Variants in RBFOX1 observed in about 807,000 individuals in gnomAD.
RBFOX1 encodes RNA binding fox-1 homolog 1.
RBFOX1 carries 8 observed loss-of-function variants against 57.7 expected under a neutral mutation model. The observed-to-expected ratio is 0.14, with a 90% CI of 0.08 to 0.25. RBFOX1 has a LOEUF of 0.25. Ranked by LOEUF, RBFOX1 falls within the 10% of genes least tolerant of loss-of-function variation. The pLI, the probability that RBFOX1 is intolerant of heterozygous loss-of-function variation, is 1.00. For synonymous variants in RBFOX1, 326 were observed against 222.4 expected, an observed-to-expected ratio of 1.47 and a Z score of -4.15; for missense variants, 611 against 548.5, an observed-to-expected ratio of 1.11 and a Z score of -1.14.
chr16:5,703,590 G>A (rs1176066420), intron 3 of RBFOX1, among the ~76,000 whole-genome samples: 1 of 152,200 alleles, frequency 6.6e-6, no homozygotes, highest in Non-Finnish European at 1.5e-5. Flanking sequence ...TTAGTGCAGA[G>A]GTTAATGCAG....
At chr16:5,435,174 C>T (rs1379263496) in intron 1 of RBFOX1, among the ~76,000 whole-genome samples, 1 of 152,178 alleles carries the variant, frequency 6.6e-6, no homozygotes, top group Non-Finnish European at 1.5e-5. Flanking sequence ...CTGTGGTTCC[C>T]CCTGTTTACG....
chr16:5,551,084 C>T (rs951965456), intron 2 of RBFOX1, among the ~76,000 whole-genome samples: 1 of 152,170 alleles, frequency 6.6e-6, no homozygotes, highest in Non-Finnish European at 1.5e-5. Context: ...ATGGTTCTTA[C>T]TTGCTGGGAG....
intron 4 of RBFOX1, among the ~76,000 whole-genome samples, chr16:7,137,795 A>G (rs2072462244): frequency 6.6e-6 from 1 of 152,218 alleles, no homozygotes; most frequent in Non-Finnish European, 1.5e-5. Flanking sequence ...AGAAACTCCA[A>G]AAGGGGAAGG....
intron 3 of RBFOX1, among the ~76,000 whole-genome samples, chr16:6,957,742 T>C (rs976306763): frequency 1.2e-4 from 18 of 152,146 alleles, no homozygotes; most frequent in Non-Finnish European, 1.8e-4. Context: ...CTATTGAAGA[T>C]GGAGTTGCTC....
chr16:7,274,933 C>T (rs1276361060), intron 4 of RBFOX1, among the ~76,000 whole-genome samples: 1 of 152,092 alleles, frequency 6.6e-6, no homozygotes, highest in Non-Finnish European at 1.5e-5. Flanking sequence ...ACCTGCCTGC[C>T]TCGGCCTCCC....
intron 4 of RBFOX1, among the ~76,000 whole-genome samples, chr16:7,370,575 G>T (rs1328667879): frequency 6.6e-6 from 1 of 152,166 alleles, no homozygotes; most frequent in East Asian, 1.9e-4. Flanking sequence ...GATATTTTCA[G>T]ATGTGCTGCC....
intron 4 of RBFOX1, among the ~76,000 whole-genome samples, chr16:5,982,755 C>G (rs1184554754): frequency 6.6e-6 from 1 of 152,178 alleles, no homozygotes; most frequent in Non-Finnish European, 1.5e-5. Flanking sequence ...CTGTGTTTTC[C>G]TTACAGAACT....
intron 4 of RBFOX1, among the ~76,000 whole-genome samples, chr16:7,124,897 G>A (rs1420934672): frequency 1.3e-5 from 2 of 152,070 alleles, no homozygotes; most frequent in Non-Finnish European, 2.9e-5. Context: ...ACCAGCCAGT[G>A]ACAGCGTTAT....
intron 1 of RBFOX1, among the ~76,000 whole-genome samples, chr16:5,349,562 A>G (rs1452679286): frequency 2.0e-5 from 3 of 151,936 alleles, no homozygotes; most frequent in Non-Finnish European, 2.9e-5. Flanking sequence ...AATCCCAGCT[A>G]CTCAGGAGGC....
At chr16:7,156,661 T>G (rs2077215102) in intron 4 of RBFOX1, among the ~76,000 whole-genome samples, 1 of 152,162 alleles carries the variant, frequency 6.6e-6, no homozygotes, top group African/African-American at 2.4e-5. Context: ...TACATTTAAT[T>G]TTTAATAGTT....
At chr16:6,717,680 G>A (rs2065103938) in intron 3 of RBFOX1, among the ~76,000 whole-genome samples, 1 of 151,900 alleles carries the variant, frequency 6.6e-6, no homozygotes, top group Non-Finnish European at 1.5e-5. Flanking sequence ...GAGCTGACAA[G>A]TGATAAACCA....
chr16:7,300,686 A>G (rs2096010234), intron 4 of RBFOX1, among the ~76,000 whole-genome samples: 1 of 152,228 alleles, frequency 6.6e-6, no homozygotes, highest in South Asian at 2.1e-4. Flanking sequence ...TGAAAATGAG[A>G]AAAGAAAAAA....
chr16:6,730,533 A>G (rs902324924), intron 3 of RBFOX1, among the ~76,000 whole-genome samples: 5 of 152,192 alleles, frequency 3.3e-5, no homozygotes, highest in East Asian at 1.9e-4. Context: ...TAATCTGTCT[A>G]TCAATCTATG....
At chr16:6,893,514 A>C (rs932755924) in intron 3 of RBFOX1, among the ~76,000 whole-genome samples, 1 of 152,166 alleles carries the variant, frequency 6.6e-6, no homozygotes, top group Non-Finnish European at 1.5e-5. Context: ...CTGGGGCTCT[A>C]TGCTGAGCTC....
chr16:5,406,223 C>T lies in RBFOX1; in HGVS notation c.220-60993C>T, dbSNP rs143236216. ...TTAAATATTGTCCCTGGGGTGATGG[C>T]GGGGGGGATTTCCAGACAAGAATAG... On this transcript the variant is annotated intron_variant, in intron 1 of 2. Transcript: ENST00000585867. Among the ~76,000 whole-genome samples the T allele has an allele frequency of 2.8e-3, 425 of 151,922 alleles. 2 individuals carry two copies. Among genetic ancestry groups the T allele is most frequent in the African/African-American group, 9.6e-3 (397 of 41,404 alleles).
intron 3 of RBFOX1, among the ~76,000 whole-genome samples, chr16:5,728,372 C>T (rs1286786358): frequency 1.3e-5 from 2 of 152,172 alleles, no homozygotes; most frequent in Non-Finnish European, 1.5e-5. Context: ...ACTTCCTAAG[C>T]ACGGACTCCT....
chr16:6,785,731 A>C (rs2081847074), intron 3 of RBFOX1, among the ~76,000 whole-genome samples: 1 of 152,206 alleles, frequency 6.6e-6, no homozygotes, highest in African/African-American at 2.4e-5. Flanking sequence ...ATGAATATGA[A>C]ATACCAATTC....
intron 3 of RBFOX1, among the ~76,000 whole-genome samples, chr16:6,990,382 G>A (rs577603821): frequency 5.3e-5 from 8 of 151,978 alleles, no homozygotes; most frequent in Non-Finnish European, 8.8e-5. Context: ...AAAGTTAGCC[G>A]GTAGTGGTGG....
intron 1 of RBFOX1, among the ~76,000 whole-genome samples, chr16:5,442,766 C>T (rs1318675071): frequency 2.0e-5 from 3 of 152,214 alleles, no homozygotes; most frequent in Non-Finnish European, 2.9e-5. Flanking sequence ...AAAGCAGGTG[C>T]TGTCATTATT....
Sources: gnomAD v4.1 joint callset for allele counts (sites outside exome capture counted in the v4.1 genomes callset) on GRCh38, gnomAD v4.1.1 for gene constraint, MANE v1.5 for transcripts, NCBI Gene and HGNC (gene_info 2026-07-23, HGNC 2026-07-21) for gene names.